Variants in ZNF514 observed in about 807,000 individuals in gnomAD.
ZNF514 encodes zinc finger protein 514.
Under a neutral mutation model 9.7 loss-of-function variants are expected in ZNF514, and 12 were observed. The ratio of observed to expected loss-of-function variants is 1.24; its 90% confidence interval spans 0.79 to 2.01. ZNF514 has a LOEUF of 2.01. ZNF514 is among the 30% of genes most tolerant of loss of function. ZNF514 has a pLI of 0.00. For synonymous variants in ZNF514, 158 were observed against 163.7 expected (o/e 0.97, Z 0.27); for missense variants, 467 against 465.5 (o/e 1.00, Z -0.03).
chr2:95,130,973 A>G, the ZNF514 span, among the ~76,000 whole-genome samples: 2 of 152,256 alleles, frequency 1.3e-5, no homozygotes, highest in Non-Finnish European at 2.9e-5. Context: ...ACAGGCGTTA[A>G]GAAATTACAA....
chr2:95,158,817 G>A, intron 1 of ZNF514: 10 of 1,276,700 alleles, frequency 7.8e-6, no homozygotes, highest in Non-Finnish European at 9.2e-6. Flanking sequence ...GGTCTGGAAG[G>A]TTAGATGTCG....
chr2:95,138,076 C>T, the ZNF514 span, among the ~76,000 whole-genome samples: 1 of 152,342 alleles, frequency 6.6e-6, no homozygotes, highest in South Asian at 2.1e-4. Context: ...GAGCAGGTGT[C>T]AGCACTATGC....
At position 95,159,224 on chromosome 2, in the gene ZNF514, A is replaced by C. The variant is rs1230875998; in HGVS notation, c.-96+16T>G. 1 of 204,158 alleles carries C rather than the reference A, an allele frequency of 4.9e-6. No individual in the cohort carries two copies. The highest frequency in any genetic ancestry group is 2.4e-5 in the African/African-American group (1 of 41,958). The allele number at this position is 204,158 out of a possible 1,614,324, so 12.6% of individuals were successfully genotyped here. On this transcript the variant is annotated intron_variant, in intron 1 of 4. Coordinates refer to ENST00000295208, the MANE Select transcript of ZNF514 (RefSeq NM_032788.3). Reference sequence around the variant, plus strand: ...CCCGGGGTCGTGCTCTTCCCTCGCCAAGTCCGGCCTCCTACCCCCGGCTCG... The same window carrying C: ...CCCGGGGTCGTGCTCTTCCCTCGCCCAGTCCGGCCTCCTACCCCCGGCTCG...
rs770952200 is a variant in ZNF514, at chr2:95,149,840, G to C, written c.645C>G (p.Phe215Leu). 2.4e-5 allele frequency: 38 copies of C among 1,614,108 alleles called. No homozygotes were observed. Among genetic ancestry groups the C allele is most frequent in the Non-Finnish European group, 2.9e-5 (34 of 1,180,048 alleles). ...KCNECGKSFHFQSELRRHQRC... is the reference protein window; with the variant it reads ...KCNECGKSFHLQSELRRHQRC... ...GCTGATGGCGCCTAAGTTCTGACTG[G>C]AAGTGAAAGGACTTCCCACACTCAT... Residue 215 changes from phenylalanine (F) to leucine (L), a missense_variant, in exon 5 of 5, where the codon TTC becomes TTG. Transcript: ENST00000295208.
At chr2:95,127,589 GT>G in the ZNF514 span, among the ~76,000 whole-genome samples, 1 of 151,498 alleles carries the variant, frequency 6.6e-6, no homozygotes, top group Non-Finnish European at 1.5e-5. Context: ...TTGTTTTTTT[GT>G]TTTTGTTTTT....
At chr2:95,131,879 A>T in the ZNF514 span, among the ~76,000 whole-genome samples, 1 of 152,202 alleles carries the variant, frequency 6.6e-6, no homozygotes, top group African/African-American at 2.4e-5. Flanking sequence ...GCCGTGGCTC[A>T]CACCTGTAAT....
chr2:95,157,220 T>C (rs1394864653), intron 2 of ZNF514, 131 bp downstream of exon 2: 1 of 461,074 alleles, frequency 2.2e-6, no homozygotes, highest in Non-Finnish European at 3.9e-6. Flanking sequence ...TTCACTTGGA[T>C]GGGCTCAGCC....
the ZNF514 span, among the ~76,000 whole-genome samples, chr2:95,129,765 A>G: frequency 1.3e-5 from 2 of 152,130 alleles, no homozygotes; most frequent in Non-Finnish European, 2.9e-5. Flanking sequence ...AGTAGGAGAG[A>G]GAGTCCACAA....
At chr2:95,139,103 G>A in the ZNF514 span, among the ~76,000 whole-genome samples, 1 of 152,274 alleles carries the variant, frequency 6.6e-6, no homozygotes, top group Non-Finnish European at 1.5e-5. Flanking sequence ...GTGCAAGAGT[G>A]AAGAATGCTT....
At position 95,153,126 on chromosome 2, in the gene ZNF514, T is replaced by C. The variant is rs1673588810; in HGVS notation, c.121+7A>G. On this transcript the variant is annotated splice_region_variant and intron_variant, in intron 3 of 4. Transcript: ENST00000295208. ...TGCTGGGTGGGCTTTGGAGGGCTTGTGCTCACCCAGAATGGCCAAGTTCCT... is the reference window on the plus strand; with the variant it reads ...TGCTGGGTGGGCTTTGGAGGGCTTGCGCTCACCCAGAATGGCCAAGTTCCT... The C allele has an allele frequency of 6.2e-7, 1 of 1,611,134 alleles. No individual in the cohort carries two copies. Among genetic ancestry groups the C allele is most frequent in the Non-Finnish European group, 8.5e-7 (1 of 1,177,706 alleles).
At chr2:95,154,126 C>T (rs1290472016) in intron 2 of ZNF514, 1 of 152,242 alleles carries the variant, frequency 6.6e-6, no homozygotes, top group Non-Finnish European at 1.5e-5. Flanking sequence ...CACCCTGCCC[C>T]AGGTGGGGCG....
At chr2:95,144,909 CCACACA>C (rs148957998), downstream of ZNF514, among the ~76,000 whole-genome samples, 1 of 150,614 alleles carries the variant, frequency 6.6e-6, no homozygotes, top group Admixed American at 6.6e-5. Flanking sequence ...TTCTATGTAA[CCACACA>C]CACACACACA....
chr2:95,142,945 A>T (rs561105845), downstream of ZNF514, among the ~76,000 whole-genome samples: 22 of 152,368 alleles, frequency 1.4e-4, no homozygotes, highest in South Asian at 4.1e-3. Flanking sequence ...TTGGCTAATC[A>T]TGATAGCATC....
At chr2:95,158,174 C>T (rs1367799058) in intron 1 of ZNF514, among the ~76,000 whole-genome samples, 2 of 152,110 alleles carry the variant, frequency 1.3e-5, no homozygotes, top group Non-Finnish European at 2.9e-5. Context: ...TCAAGACTTG[C>T]TAAGACACTG....
intron 2 of ZNF514, among the ~76,000 whole-genome samples, chr2:95,157,116 G>A (rs1673708403): frequency 6.6e-6 from 1 of 152,160 alleles, no homozygotes; most frequent in Admixed American, 6.5e-5. Flanking sequence ...GGTCACCACA[G>A]TGCCCTTTCT....
rs757446433 is a variant in ZNF514, at chr2:95,149,948, A to T, written c.537T>A (p.Tyr179Ter). The change falls in exon 5 of 5, where the codon TAT (tyrosine) becomes TAA (stop). Residue 179 changes from tyrosine (Y) to a stop codon, truncating the protein, a stop_gained. Coordinates refer to ENST00000295208, the MANE Select transcript of ZNF514 (RefSeq NM_032788.3). LOFTEE classifies it low-confidence loss of function (END_TRUNC). Reference sequence around the variant, plus strand: ...TCTGCCTGAATTCTGTATCACATTTATAAGATCCTTCTCCCATGAGAATGC... The same window carrying T: ...TCTGCCTGAATTCTGTATCACATTTTTAAGATCCTTCTCCCATGAGAATGC... ...QHSILMGEGS[Y>*]KCDTEFRQTL... 1 of 1,614,226 alleles carries T rather than the reference A, an allele frequency of 6.2e-7. No individual in the cohort carries two copies. The highest frequency in any genetic ancestry group is 2.2e-5 in the East Asian group (1 of 44,892).
chr2:95,128,646 AAAAG>A, the ZNF514 span, among the ~76,000 whole-genome samples: 1 of 151,394 alleles, frequency 6.6e-6, no homozygotes, highest in Non-Finnish European at 1.5e-5. Context: ...AGAAGAAAGA[AAAAG>A]GAGGAGGAGG....
chr2:95,143,658 G>A (rs1227316548), downstream of ZNF514, among the ~76,000 whole-genome samples: 1 of 152,130 alleles, frequency 6.6e-6, no homozygotes, highest in Admixed American at 6.6e-5. Context: ...GAACTTGGCT[G>A]GACTTTATCC....
At chr2:95,143,735 T>TGTGGGCCA (rs1199567738), downstream of ZNF514, among the ~76,000 whole-genome samples, 3 of 152,224 alleles carry the variant, frequency 2.0e-5, no homozygotes, top group East Asian at 5.8e-4. Context: ...CTTTTACTAT[T>TGTGGGCCA]CATGGTGGGC....
Sources: gnomAD v4.1 joint callset for allele counts (sites outside exome capture counted in the v4.1 genomes callset) on GRCh38, gnomAD v4.1.1 for gene constraint, MANE v1.5 for transcripts, NCBI Gene and HGNC (gene_info 2026-07-23, HGNC 2026-07-21) for gene names.